COG8: variants seen among roughly 807,000 people sequenced by gnomAD.
The protein encoded by COG8 is conserved oligomeric Golgi complex subunit 8.
In COG8, 45 loss-of-function variants were observed where a neutral mutation model predicts 46.5. The ratio of observed to expected loss-of-function variants is 0.97; its 90% confidence interval spans 0.76 to 1.24. COG8 has a LOEUF of 1.24. Among genes scored for constraint, COG8 ranks in the 50% most tolerant of loss-of-function variants. The pLI, the probability that COG8 is intolerant of heterozygous loss-of-function variation, is 0.00. For synonymous variants in COG8, 407 were observed against 347.8 expected (o/e 1.17, Z -1.90); for missense variants, 793 against 820.8 (o/e 0.97, Z 0.41).
Position 69,330,869 on chromosome 16 carries a change from C to G in COG8, c.1809G>C (p.Thr603=), listed in dbSNP as rs768589618. 1.3e-6 allele frequency: 2 copies of G among 1,544,526 alleles called. No homozygotes were observed. The highest frequency in any genetic ancestry group is 2.7e-5 in the African/African-American group (2 of 73,060). Residue 603 remains threonine, a synonymous_variant, in exon 5 of 6, where the codon ACG becomes ACC. Coordinates refer to ENST00000306875, the MANE Select transcript of COG8 (RefSeq NM_032382.5). ...GCCCCACGCTGGGCGGTTCGGCCTG[C>G]GTCTCCGCTCGCCCTCCCTCCGGGC... ...PACPEGGRAE[T]QAEPPSVGP
At position 69,330,931 on chromosome 16, in the gene COG8, C is replaced by T. The variant is rs995346978; in HGVS notation, c.1747G>A (p.Ala583Thr). The change falls in exon 5 of 6, where the codon GCC (alanine) becomes ACC (threonine). Residue 583 changes from alanine to threonine, a missense_variant. Physicochemically the swap from Ala to Thr is moderately conservative, Grantham distance 58 (BLOSUM62 0). Transcript: ENST00000306875. ...GCGGGCTCCAGGCGTGGCTCCTCGGCGGGAGGCTCTGGTGCTGGAGCTGTG... is the reference window on the plus strand; with the variant it reads ...GCGGGCTCCAGGCGTGGCTCCTCGGTGGGAGGCTCTGGTGCTGGAGCTGTG... ...ELTAPAPEPP[A>T]EEPRLEPAGP... is the part of the protein sequence containing the mutation. The T allele has an allele frequency of 4.5e-6, 7 of 1,559,556 alleles. No individual in the cohort carries two copies. Among genetic ancestry groups the T allele is most frequent in the South Asian group, 1.2e-5 (1 of 85,424 alleles).
chr16:69,338,415 T>C (rs1399493885), intron 1 of COG8: 1 of 152,234 alleles, frequency 6.6e-6, no homozygotes, highest in African/African-American at 2.4e-5. Flanking sequence ...GAGGATTTCC[T>C]TGTCACCTTC....
intron 3 of COG8, among the ~76,000 whole-genome samples, chr16:69,333,166 GTTTT>G (rs554776759): frequency 1.5e-5 from 2 of 130,860 alleles, no homozygotes; most frequent in Non-Finnish European, 3.3e-5. Flanking sequence ...CATGGTTTTG[GTTTT>G]TTTTTTTTTT....
intron 1 of COG8, among the ~76,000 whole-genome samples, chr16:69,337,151 C>T (rs568459741): frequency 1.8e-4 from 28 of 151,906 alleles, no homozygotes; most frequent in African/African-American, 5.8e-4. Flanking sequence ...CATGGTGGTG[C>T]GCGCCTGTAG....
chr16:69,335,263 G>C lies in COG8; in HGVS notation c.671C>G (p.Ala224Gly). The change falls in exon 3 of 6, where the codon GCC (alanine) becomes GGC (glycine). Residue 224 changes from alanine to glycine, a missense_variant. Ala to Gly is a moderately conservative substitution (Grantham distance 60). Transcript: ENST00000306875. The part of the protein sequence containing the change: ...QQLRTNIQLP[A>G]CLRVIGYLRR... ...CAGGTAGCCAATGACACGGAGGCAG[G>C]CAGGAAGCTGGATGTTGGTCCTCAG... is the stretch of plus-strand genomic sequence containing the variant. 6.2e-7 allele frequency: 1 copy of C among 1,613,580 alleles called. No homozygotes were observed. Among genetic ancestry groups the C allele is most frequent in the Non-Finnish European group, 8.5e-7 (1 of 1,179,910 alleles).
intron 3 of COG8, among the ~76,000 whole-genome samples, chr16:69,334,277 T>C (rs888937789): frequency 8.5e-5 from 13 of 152,234 alleles, no homozygotes; most frequent in Admixed American, 7.2e-4. Context: ...AAATTTGTTA[T>C]GCAGCACTAG....
chr16:69,328,967 A>C lies in COG8; in HGVS notation c.*239T>G. 6.4e-7 allele frequency: 1 copy of C among 1,572,250 alleles called. No individual in the cohort carries two copies. The highest frequency in any genetic ancestry group is 8.6e-7 in the Non-Finnish European group (1 of 1,168,400). ...TGCCAAGTAAGATTTGCCCAGCTCAAAGTGAAAGTGTTTGCGTCTTGGTAT... is the reference window on the plus strand; with the variant it reads ...TGCCAAGTAAGATTTGCCCAGCTCACAGTGAAAGTGTTTGCGTCTTGGTAT... On this transcript the variant is annotated 3_prime_UTR_variant, in exon 6 of 6. Coordinates refer to ENST00000306875, the MANE Select transcript of COG8 (RefSeq NM_032382.5).
chr16:69,336,576 CATA>C lies in COG8; in HGVS notation c.511_513del (p.Tyr171del). 1 of 1,614,166 alleles carries C rather than the reference CATA, an allele frequency of 6.2e-7. No homozygotes were observed. The stretch of plus-strand genomic sequence containing the variant: ...TAGGCTGCAAGCTCCAGGGCCTCTT[CATA>C]ATAACTGTTCCGGACACAGGTGTCC... On this transcript the variant is annotated inframe_deletion, in exon 2 of 6. Transcript: ENST00000306875.
intron 4 of COG8, among the ~76,000 whole-genome samples, chr16:69,331,394 A>C (rs1161035139): frequency 1.4e-5 from 2 of 137,968 alleles, no homozygotes; most frequent in African/African-American, 5.4e-5. Context: ...TGGAGATTGC[A>C]GTTAGCCGAG....
chr16:69,332,962 T>G, intron 3 of COG8, 80 bp from the exon 4 acceptor site: 1 of 1,316,520 alleles, frequency 7.6e-7, no homozygotes, highest in Non-Finnish European at 1.1e-6. Flanking sequence ...GGCAAAAAAA[T>G]GTATGCCCCT....
intron 1 of COG8, among the ~76,000 whole-genome samples, chr16:69,337,246 A>ACTGCAG (rs1027760149): frequency 6.6e-6 from 1 of 150,658 alleles, no homozygotes; most frequent in Non-Finnish European, 1.5e-5. Flanking sequence ...GCGCCACTGC[A>ACTGCAG]CTGCAGCCTG....
intron 5 of COG8, chr16:69,330,375 G>C: frequency 6.8e-7 from 1 of 1,479,584 alleles, no homozygotes; most frequent in Non-Finnish European, 8.9e-7. Context: ...TGGCACACGT[G>C]CGAGAACGGC....
Position 69,330,849 on chromosome 16 carries a change from A to T in COG8, c.1829T>A (p.Val610Glu). The change falls in exon 5 of 6, where the codon GTG becomes GAG. Residue 610 changes from valine (V) to glutamate (E), a missense_variant. By Grantham distance (121) the Val-to-Glu change is moderately radical (BLOSUM62 -2). Coordinates refer to ENST00000306875, the MANE Select transcript of COG8 (RefSeq NM_032382.5). Reference protein sequence around the residue: ...RAETQAEPPSVGP With the variant: ...RAETQAEPPSEGP ...GGCAGGGGACGCCGGCTAGGGCCCCACGCTGGGCGGTTCGGCCTGCGTCTC... is the reference window on the plus strand; with the variant it reads ...GGCAGGGGACGCCGGCTAGGGCCCCTCGCTGGGCGGTTCGGCCTGCGTCTC... 1.3e-6 allele frequency: 2 copies of T among 1,539,688 alleles called. No individual in the cohort carries two copies. Among genetic ancestry groups the T allele is most frequent in the South Asian group, 1.2e-5 (1 of 83,764 alleles).
rs1010178053 is a variant in COG8, at chr16:69,332,750, C to G, written c.1546G>C (p.Val516Leu). 2 of 1,614,080 alleles carry G rather than the reference C, an allele frequency of 1.2e-6. No individual in the cohort carries two copies. The highest frequency in any genetic ancestry group is 2.7e-5 in the African/African-American group (2 of 74,932). The change falls in exon 4 of 6, where the codon GTC becomes CTC. Residue 516 changes from valine (V) to leucine (L), a missense_variant. Physicochemically the swap from Val to Leu is conservative, Grantham distance 32 (BLOSUM62 1). Transcript: ENST00000306875. Reference sequence around the variant, plus strand: ...GCTATCTGAGCTGGTGGAAAAAGGACTTGGAGACAGCGATTTAAATACGGA... The same window carrying G: ...GCTATCTGAGCTGGTGGAAAAAGGAGTTGGAGACAGCGATTTAAATACGGA... ...LVPYLNRCLQ[V>L]LFPPAQIAQT... is the part of the protein sequence containing the mutation.
At position 69,330,024 on chromosome 16, in the gene COG8, G is replaced by A. The variant is rs750371302; in HGVS notation, c.*26+789C>T. 19 of 1,542,034 alleles carry A rather than the reference G, an allele frequency of 1.2e-5. No individual in the cohort carries two copies. The Admixed American group carries it at 3.7e-4, about 30-fold the overall frequency. On this transcript the variant is annotated intron_variant, in intron 5 of 5. Transcript: ENST00000306875. ...GAGATCTGCACCGCCTGGAAGCGGG[G>A]CACGCAGGCCAGGAAGCCGGCGACG...
intron 5 of COG8, chr16:69,330,173 C>CG (rs1355251857): frequency 6.6e-7 from 1 of 1,515,570 alleles, no homozygotes; most frequent in Non-Finnish European, 8.8e-7. Flanking sequence ...CGGGCACTCC[C>CG]GACACAGCGC....
rs890271209 is a variant in COG8 at position 69,332,716 on chromosome 16, A to G, written c.1580T>C (p.Leu527Ser). 9.9e-6 allele frequency: 16 copies of G among 1,613,584 alleles called. No individual in the cohort carries two copies. The highest frequency in any genetic ancestry group is 1.7e-4 in the Middle Eastern group (1 of 6,056). The change falls in exon 4 of 6, where the codon TTA becomes TCA. Residue 527 changes from leucine (L) to serine (S), a missense_variant and splice_region_variant. Transcript: ENST00000306875. ...LFPPAQIAQTLGIPPTQLSKY... is the reference protein window; with the variant it reads ...LFPPAQIAQTSGIPPTQLSKY... ...TTACAGAATTTTCATTCTCTTACCT[A>G]AAGTCTGTGCTATCTGAGCTGGTGG...
chr16:69,332,464 T>C, intron 4 of COG8: 1 of 609,900 alleles, frequency 1.6e-6, no homozygotes, highest in South Asian at 2.0e-5. Context: ...AGCCACATAA[T>C]GTATGATTCC....
In COG8 at chr16:69,334,573, G is replaced by A. The variant is rs1271038212; in HGVS notation, c.1361C>T (p.Pro454Leu). The A allele has an allele frequency of 6.2e-7, 1 of 1,614,114 alleles. No homozygotes were observed. Among genetic ancestry groups the A allele is most frequent in the Non-Finnish European group, 8.5e-7 (1 of 1,180,062 alleles). Residue 454 changes from proline (P) to leucine (L), a missense_variant, in exon 3 of 6, where the codon CCT becomes CTT. Pro to Leu is a moderately conservative substitution (Grantham distance 98). Transcript: ENST00000306875. The stretch of plus-strand genomic sequence containing the variant: ...AGTCACATCCTGCGCCAGGGCCACA[G>A]GGCAGCAGAGGCGCAGATCATTGAA... ...VAFNDLRLCC[P>L]VALAQDVTGA... is the part of the protein sequence containing the mutation.
Sources: allele counts gnomAD v4.1 joint callset (sites outside exome capture counted in the v4.1 genomes callset), GRCh38; gene constraint gnomAD v4.1.1; transcripts MANE v1.5; gene names NCBI Gene and HGNC (gene_info 2026-07-23, HGNC 2026-07-21).